The following PGCKA1 variants were observed in gnomAD, a reference collection of about 807,000 sequenced individuals.
PGCKA1 encodes the protein PDCD10 and GCKIII kinases-associated protein 1.
At chr4:37,553,206 C>G in the PGCKA1 span, among the ~76,000 whole-genome samples, 2 of 150,712 alleles carry the variant, frequency 1.3e-5, no homozygotes, top group Non-Finnish European at 3.0e-5. Context: ...TGTATAGAAA[C>G]ACATATTTTC....
At chr4:37,464,913 G>A in the PGCKA1 span, among the ~76,000 whole-genome samples, 1 of 152,180 alleles carries the variant, frequency 6.6e-6, no homozygotes, top group African/African-American at 2.4e-5. Context: ...AAGCAACAGT[G>A]GAGTTCACAG....
At chr4:37,583,523 G>A in the PGCKA1 span, among the ~76,000 whole-genome samples, 17 of 151,320 alleles carry the variant, frequency 1.1e-4, no homozygotes, top group Non-Finnish European at 1.9e-4. Context: ...TGCAAGCTCC[G>A]CCTCCCAGGT....
At chr4:37,463,184 G>C in the PGCKA1 span, among the ~76,000 whole-genome samples, 1 of 152,106 alleles carries the variant, frequency 6.6e-6, no homozygotes, top group Non-Finnish European at 1.5e-5. Context: ...CTTCAGAGCT[G>C]TTCCTTTCCC....
chr4:37,590,650 G>A, the PGCKA1 span: 40 of 1,614,140 alleles, frequency 2.5e-5, no homozygotes, highest in Admixed American at 8.3e-5. Flanking sequence ...TGGAGACAAC[G>A]TTGATCATAA....
chr4:37,527,819 A>C, the PGCKA1 span, among the ~76,000 whole-genome samples: 2 of 139,406 alleles, frequency 1.4e-5, no homozygotes, highest in Non-Finnish European at 3.1e-5. Flanking sequence ...ACAGAGCAAG[A>C]CTCCGTCTCA....
chr4:37,475,983 C>A, the PGCKA1 span, among the ~76,000 whole-genome samples: 14 of 149,540 alleles, frequency 9.4e-5, no homozygotes, highest in African/African-American at 2.9e-4. Context: ...TTTTATTTTA[C>A]AATACATTAT....
chr4:37,505,438 T>C, the PGCKA1 span, among the ~76,000 whole-genome samples: 1 of 152,176 alleles, frequency 6.6e-6, no homozygotes, highest in African/African-American at 2.4e-5. Flanking sequence ...ACTGGCCTTG[T>C]AGAATGAATT....
At chr4:37,470,409 T>C in the PGCKA1 span, among the ~76,000 whole-genome samples, 1 of 140,974 alleles carries the variant, frequency 7.1e-6, no homozygotes, top group African/African-American at 2.7e-5. Context: ...CCTTGAAGTT[T>C]CTATTTTCAT....
chr4:37,459,925 T>G, the PGCKA1 span, among the ~76,000 whole-genome samples: 1 of 151,684 alleles, frequency 6.6e-6, no homozygotes, highest in East Asian at 2.0e-4. Context: ...TTGCTGCACC[T>G]GTCAACCCAT....
the PGCKA1 span, among the ~76,000 whole-genome samples, chr4:37,511,667 G>C: frequency 2.0e-5 from 3 of 152,106 alleles, no homozygotes; most frequent in African/African-American, 7.2e-5. Flanking sequence ...GCCTGGGGTT[G>C]GTAGGAGGGC....
the PGCKA1 span, among the ~76,000 whole-genome samples, chr4:37,566,824 C>T: frequency 6.6e-6 from 1 of 152,138 alleles, no homozygotes; most frequent in Non-Finnish European, 1.5e-5. Context: ...TCAAGTGATC[C>T]GCCCACCTTG....
At chr4:37,532,265 A>G in the PGCKA1 span, among the ~76,000 whole-genome samples, 1 of 152,362 alleles carries the variant, frequency 6.6e-6, no homozygotes, top group South Asian at 2.1e-4. Context: ...TTTTCTTCCA[A>G]TATTCAAAAG....
At chr4:37,590,657 A>G in the PGCKA1 span, 1 of 1,614,186 alleles carries the variant, frequency 6.2e-7, no homozygotes, top group Non-Finnish European at 8.5e-7. Context: ...AACGTTGATC[A>G]TAATGAAAAG....
chr4:37,592,017 G>A, the PGCKA1 span, among the ~76,000 whole-genome samples: 1 of 151,980 alleles, frequency 6.6e-6, no homozygotes, highest in African/African-American at 2.4e-5. Flanking sequence ...GATCAGCCTG[G>A]CCAACATAGT....
the PGCKA1 span, among the ~76,000 whole-genome samples, chr4:37,483,109 T>C: frequency 6.6e-6 from 1 of 152,122 alleles, no homozygotes; most frequent in Non-Finnish European, 1.5e-5. Flanking sequence ...ATTCTTGTGA[T>C]AGTGAGTAAG....
the PGCKA1 span, among the ~76,000 whole-genome samples, chr4:37,493,723 A>G: frequency 1.3e-5 from 2 of 151,956 alleles, no homozygotes; most frequent in South Asian, 2.1e-4. Flanking sequence ...CCCATCCTCC[A>G]TGGCCCCACT....
At chr4:37,528,201 T>G in the PGCKA1 span, among the ~76,000 whole-genome samples, 1 of 152,190 alleles carries the variant, frequency 6.6e-6, no homozygotes, top group African/African-American at 2.4e-5. Context: ...ATACTAATAG[T>G]TGAAAAGTAT....
the PGCKA1 span, among the ~76,000 whole-genome samples, chr4:37,535,708 A>G: frequency 2.0e-5 from 3 of 152,104 alleles, no homozygotes; most frequent in African/African-American, 7.2e-5. Context: ...AGTAACCCTG[A>G]GAGTTTGGAA....
the PGCKA1 span, among the ~76,000 whole-genome samples, chr4:37,489,216 A>T: frequency 3.2e-4 from 49 of 152,336 alleles, 1 homozygote; most frequent in East Asian, 1.5e-3. Context: ...TGTATTGTGC[A>T]CTTAAAATTT....
Sources: allele counts gnomAD v4.1 joint callset (sites outside exome capture counted in the v4.1 genomes callset), GRCh38; gene constraint gnomAD v4.1.1; transcripts MANE v1.5; gene names NCBI Gene and HGNC (gene_info 2026-07-23, HGNC 2026-07-21).